Variants in FHIT observed in about 807,000 individuals in gnomAD.
FHIT encodes the protein fragile histidine triad diadenosine triphosphatase.
Under a neutral mutation model 17.9 loss-of-function variants are expected in FHIT, and 19 were observed. That is an observed-to-expected ratio of 1.06 (90% CI 0.74 to 1.56). The LOEUF (loss-of-function observed/expected upper bound fraction) is 1.56. FHIT is among the 40% of genes most tolerant of loss of function. FHIT has a pLI of 0.00. For missense variants in FHIT, 248 were observed against 189.2 expected, an observed-to-expected ratio of 1.31 and a Z score of -1.82; for synonymous variants, 81 against 69.7, an observed-to-expected ratio of 1.16 and a Z score of -0.81.
At chr3:59,799,140 A>G (rs1575513956) in intron 8 of FHIT, among the ~76,000 whole-genome samples, 2 of 152,354 alleles carry the variant, frequency 1.3e-5, no homozygotes, top group East Asian at 3.9e-4. Flanking sequence ...AACATCTCTC[A>G]GAAAATACCA....
At chr3:60,582,223 T>C (rs1376741141) in intron 4 of FHIT, among the ~76,000 whole-genome samples, 1 of 152,030 alleles carries the variant, frequency 6.6e-6, no homozygotes, top group Non-Finnish European at 1.5e-5. Flanking sequence ...TTTAAATGTA[T>C]AACCAAGGTT....
intron 5 of FHIT, among the ~76,000 whole-genome samples, chr3:60,438,566 G>T (rs1235042013): frequency 6.6e-6 from 1 of 152,046 alleles, no homozygotes; most frequent in Non-Finnish European, 1.5e-5. Context: ...CATATCCTTT[G>T]CTGTGTCTTG....
intron 5 of FHIT, among the ~76,000 whole-genome samples, chr3:60,078,438 C>A (rs1463682716): frequency 2.0e-5 from 3 of 152,192 alleles, no homozygotes; most frequent in Middle Eastern, 3.4e-3. Context: ...AAGAAACATT[C>A]TGAAAAGCAA....
intron 7 of FHIT, among the ~76,000 whole-genome samples, chr3:59,955,542 G>C (rs1380573451): frequency 1.3e-5 from 2 of 152,100 alleles, no homozygotes. Context: ...TTCTCCGCTG[G>C]TTGTCAGACT....
At chr3:59,862,746 T>A (rs1388492746) in intron 8 of FHIT, among the ~76,000 whole-genome samples, 1 of 151,940 alleles carries the variant, frequency 6.6e-6, no homozygotes, top group Non-Finnish European at 1.5e-5. Flanking sequence ...GGGAAGAAAA[T>A]GTGTGTTATT....
At chr3:60,713,909 G>A (rs868916847) in intron 4 of FHIT, among the ~76,000 whole-genome samples, 1,901 of 151,566 alleles carry the variant, frequency 0.013, 25 homozygotes, top group Non-Finnish European at 0.02. Flanking sequence ...TAGAAAAAGA[G>A]GGAATCCTCC....
At chr3:61,079,709 C>T (rs1335272338) in intron 2 of FHIT, among the ~76,000 whole-genome samples, 1 of 152,100 alleles carries the variant, frequency 6.6e-6, no homozygotes, top group African/African-American at 2.4e-5. Context: ...CTATGTATAC[C>T]AGAATTACTC....
intron 5 of FHIT, among the ~76,000 whole-genome samples, chr3:60,199,232 T>C (rs1410618924): frequency 6.6e-6 from 1 of 152,158 alleles, no homozygotes; most frequent in Non-Finnish European, 1.5e-5. Flanking sequence ...TAGAGCAGCC[T>C]GAGAACATGT....
intron 4 of FHIT, among the ~76,000 whole-genome samples, chr3:60,562,012 C>T (rs953170507): frequency 6.6e-6 from 1 of 152,058 alleles, no homozygotes; most frequent in African/African-American, 2.4e-5. Context: ...TTCCAGTTAA[C>T]TTGATCCACT....
rs186600319 is a variant in FHIT, at chr3:60,340,953, G to C, written c.103+195907C>G. Among the ~76,000 whole-genome samples, 459 of 152,204 alleles carry C rather than the reference G, an allele frequency of 3.0e-3. 1 individual carries two copies. Among genetic ancestry groups the C allele is most frequent in the South Asian group, 0.022 (107 of 4,820 alleles). The stretch of plus-strand genomic sequence containing the variant: ...GATGCGCCCATCTCAGCCTCCCAAA[G>C]TGCTGGATTACAGGTGTGAGCCACT... On this transcript the variant is annotated intron_variant, in intron 5 of 9. Coordinates refer to ENST00000492590, the MANE Select transcript of FHIT (RefSeq NM_002012.4).
intron 5 of FHIT, among the ~76,000 whole-genome samples, chr3:60,495,657 A>G (rs980151425): frequency 6.6e-6 from 1 of 152,162 alleles, no homozygotes; most frequent in Non-Finnish European, 1.5e-5. Flanking sequence ...ATTTCCATAA[A>G]TGAATCCATG....
intron 4 of FHIT, among the ~76,000 whole-genome samples, chr3:60,717,729 A>G (rs921173362): frequency 6.6e-6 from 1 of 152,312 alleles, no homozygotes; most frequent in South Asian, 2.1e-4. Context: ...CTTGGGGTTG[A>G]AAACACAAAT....
chr3:60,719,367 CTCTG>C (rs2041758792), intron 4 of FHIT, among the ~76,000 whole-genome samples: 1 of 152,124 alleles, frequency 6.6e-6, no homozygotes, highest in Non-Finnish European at 1.5e-5. Context: ...CTTATCGGAC[CTCTG>C]TCTGTTTGCA....
intron 5 of FHIT, among the ~76,000 whole-genome samples, chr3:60,093,569 T>A (rs1405507565): frequency 1.3e-5 from 2 of 152,138 alleles, no homozygotes; most frequent in African/African-American, 4.8e-5. Context: ...GAGGGGGGTA[T>A]TCTATCCAGG....
intron 2 of FHIT, among the ~76,000 whole-genome samples, chr3:61,195,730 T>C (rs142924651): frequency 5.9e-5 from 9 of 152,016 alleles, no homozygotes; most frequent in Non-Finnish European, 8.8e-5. Context: ...GACTGGCTGG[T>C]GTCTTCTCCC....
chr3:60,239,140 T>A (rs1704974873), intron 5 of FHIT, among the ~76,000 whole-genome samples: 1 of 152,208 alleles, frequency 6.6e-6, no homozygotes, highest in Non-Finnish European at 1.5e-5. Context: ...TTCCAGAGTT[T>A]TTGCCCTTCA....
At chr3:60,288,566 A>T (rs112072902) in intron 5 of FHIT, among the ~76,000 whole-genome samples, 2 of 144,584 alleles carry the variant, frequency 1.4e-5, no homozygotes, top group African/African-American at 2.6e-5. Context: ...GTTCTGGCAC[A>T]GTGTGTGTGT....
At chr3:60,661,714 A>C (rs949015942) in intron 4 of FHIT, among the ~76,000 whole-genome samples, 1 of 151,962 alleles carries the variant, frequency 6.6e-6, no homozygotes, top group Admixed American at 6.6e-5. Context: ...ACCAACATCT[A>C]TTATTTTTTG....
At chr3:60,955,129 C>T (rs1709054900) in intron 3 of FHIT, among the ~76,000 whole-genome samples, 1 of 151,930 alleles carries the variant, frequency 6.6e-6, no homozygotes, top group Non-Finnish European at 1.5e-5. Flanking sequence ...TCATGGTAGG[C>T]TAGAATGACC....
Sources: gnomAD v4.1 joint callset for allele counts (sites outside exome capture counted in the v4.1 genomes callset) on GRCh38, gnomAD v4.1.1 for gene constraint, MANE v1.5 for transcripts, NCBI Gene and HGNC (gene_info 2026-07-23, HGNC 2026-07-21) for gene names.